PYGB: variants seen among roughly 807,000 people sequenced by gnomAD.
PYGB encodes the protein glycogen phosphorylase, brain form.
In PYGB, 82 loss-of-function variants were observed where a neutral mutation model predicts 94.3. The ratio of observed to expected loss-of-function variants is 0.87; its 90% CI spans 0.73 to 1.04. The LOEUF (loss-of-function observed/expected upper bound fraction) is 1.04. Ranked by LOEUF, PYGB falls within the 50% of genes least tolerant of loss-of-function variation. The pLI is 0.00. For synonymous variants in PYGB, 488 were observed against 479.1 expected (o/e 1.02, Z -0.24); for missense variants, 1,132 against 1,158.2 (o/e 0.98, Z 0.33).
chr20:25,291,598 C>T (rs1461639230), intron 16 of PYGB, among the ~76,000 whole-genome samples: 1 of 152,172 alleles, frequency 6.6e-6, no homozygotes, highest in African/African-American at 2.4e-5. Flanking sequence ...GGCTTGCCTC[C>T]GGCTTGGCCA....
At chr20:25,248,754 C>T (rs1224224842) in intron 1 of PYGB, among the ~76,000 whole-genome samples, 2 of 152,284 alleles carry the variant, frequency 1.3e-5, no homozygotes, top group Admixed American at 6.5e-5. Flanking sequence ...GGCTGCAGAG[C>T]CGGTGCTCCC....
intron 4 of PYGB, among the ~76,000 whole-genome samples, chr20:25,273,926 C>T (rs1025371575): frequency 2.0e-5 from 3 of 152,226 alleles, no homozygotes; most frequent in Non-Finnish European, 2.9e-5. Flanking sequence ...TAGCTCACTG[C>T]AGCTTCGACC....
chr20:25,280,138 G>C (rs2088352300), intron 9 of PYGB, 128 bp from the exon 10 acceptor site: 3 of 1,140,018 alleles, frequency 2.6e-6, no homozygotes, highest in Non-Finnish European at 3.8e-6. Flanking sequence ...GAGAGCAGAG[G>C]GGACGGTGGC....
chr20:25,250,842 G>A (rs532413090), intron 1 of PYGB, among the ~76,000 whole-genome samples: 1 of 151,968 alleles, frequency 6.6e-6, no homozygotes, highest in South Asian at 2.1e-4. Context: ...TATTACTGGA[G>A]GAAAAATTAG....
chr20:25,278,219 G>A (rs1293175290), intron 7 of PYGB, 100 bp from the exon 8 acceptor site: 11 of 1,326,334 alleles, frequency 8.3e-6, no homozygotes, highest in Non-Finnish European at 9.0e-6. Context: ...GGCTCCTCTC[G>A]GCCTTCTGCC....
intron 1 of PYGB, among the ~76,000 whole-genome samples, chr20:25,255,301 T>C (rs550987279): frequency 6.0e-4 from 91 of 152,298 alleles, no homozygotes; most frequent in Admixed American, 1.1e-3. Flanking sequence ...ACATCTCTCC[T>C]CCCACAGGAC....
intron 17 of PYGB, among the ~76,000 whole-genome samples, chr20:25,293,559 A>G (rs2088494203): frequency 6.6e-6 from 1 of 152,204 alleles, no homozygotes; most frequent in East Asian, 1.9e-4. Flanking sequence ...GAAACCACAC[A>G]TGCCATCTGA....
At chr20:25,296,211 C>A (rs1315995561) in intron 19 of PYGB, among the ~76,000 whole-genome samples, 159 bp from the exon 20 acceptor site, 1 of 152,186 alleles carries the variant, frequency 6.6e-6, no homozygotes, top group Non-Finnish European at 1.5e-5. Flanking sequence ...GTGGGGTCCC[C>A]TTTTCAACGA....
intron 1 of PYGB, 146 bp downstream of exon 1, chr20:25,248,567 A>T: frequency 9.0e-7 from 1 of 1,111,410 alleles, no homozygotes; most frequent in Admixed American, 4.4e-5. Context: ...CCGACTGGGG[A>T]GTCGCCTGGA....
intron 14 of PYGB, among the ~76,000 whole-genome samples, chr20:25,287,223 C>T (rs1275024299): frequency 2.6e-5 from 4 of 152,258 alleles, no homozygotes; most frequent in Non-Finnish European, 5.9e-5. Flanking sequence ...TGGGGGCCCT[C>T]ACCCGCTGTC....
chr20:25,296,537 GGCGGGACCA>G lies in PYGB; in HGVS notation c.*21_*29del. ...CCCGGGACTAGGCACACCCTGCCTT[GGCGGGACCA>G]GCGGGCATTTGTTTTCTTGCTGACT... On this transcript the variant is annotated 3_prime_UTR_variant, in exon 20 of 20. Transcript: ENST00000216962. 1 of 1,602,296 alleles carries G rather than the reference GGCGGGACCA, an allele frequency of 6.2e-7. No individual in the cohort carries two copies. The highest frequency in any genetic ancestry group is 1.1e-5 in the South Asian group (1 of 90,042).
chr20:25,285,877 A>G (rs2424700), intron 14 of PYGB, among the ~76,000 whole-genome samples: 68,832 of 151,982 alleles, frequency 0.45, 16,197 homozygotes, highest in East Asian at 0.92. Flanking sequence ...CCTGCTGGCC[A>G]CTTTGTGTCT....
chr20:25,279,442 C>T (rs548825028), intron 9 of PYGB, among the ~76,000 whole-genome samples: 251 of 152,248 alleles, frequency 1.6e-3, no homozygotes, highest in Non-Finnish European at 2.9e-3. Flanking sequence ...CTCCCCAAAG[C>T]GTTAAGTGTT....
chr20:25,296,552 C>G lies in PYGB; in HGVS notation c.*30C>G. ...ACCCTGCCTTGGCGGGACCAGCGGG[C>G]ATTTGTTTTCTTGCTGACTTTGCAC... is the stretch of plus-strand genomic sequence containing the variant. On this transcript the variant is annotated 3_prime_UTR_variant, in exon 20 of 20. Coordinates refer to ENST00000216962, the MANE Select transcript of PYGB (RefSeq NM_002862.4). 1 of 1,588,784 alleles carries G rather than the reference C, an allele frequency of 6.3e-7. No homozygotes were observed. The highest frequency in any genetic ancestry group is 2.2e-5 in the East Asian group (1 of 44,470).
rs758543025 is a variant in PYGB, at chr20:25,248,287, C to A, written c.109C>A (p.His37Asn). ...GCGGAAGAGCTTCAACCGGCACTTGCACTTCACGCTGGTCAAGGACCGCAA... is the reference window on the plus strand; with the variant it reads ...GCGGAAGAGCTTCAACCGGCACTTGAACTTCACGCTGGTCAAGGACCGCAA... The part of the protein sequence containing the change: ...EVRKSFNRHL[H>N]FTLVKDRNVA... Residue 37 changes from histidine (H) to asparagine (N), a missense_variant, in exon 1 of 20, where the codon CAC (histidine) becomes AAC (asparagine). Physicochemically the swap from His to Asn is moderately conservative, Grantham distance 68. Coordinates refer to ENST00000216962, the MANE Select transcript of PYGB (RefSeq NM_002862.4). The A allele has an allele frequency of 2.5e-6, 4 of 1,603,986 alleles. No individual in the cohort carries two copies. Among genetic ancestry groups the A allele is most frequent in the Non-Finnish European group, 3.4e-6 (4 of 1,175,764 alleles).
chr20:25,283,591 C>A (rs955007323), intron 13 of PYGB, among the ~76,000 whole-genome samples: 1 of 152,232 alleles, frequency 6.6e-6, no homozygotes, highest in Admixed American at 6.5e-5. Context: ...CTCTAGAAGC[C>A]GATTCCAGCG....
intron 2 of PYGB, among the ~76,000 whole-genome samples, chr20:25,263,516 A>G (rs537489267): frequency 3.3e-5 from 5 of 152,214 alleles, no homozygotes; most frequent in African/African-American, 1.2e-4. Context: ...AAGATCAACA[A>G]AATTGATAGA....
At chr20:25,290,813 C>A (rs996144461) in intron 16 of PYGB, among the ~76,000 whole-genome samples, 191 bp downstream of exon 16, 1 of 152,184 alleles carries the variant, frequency 6.6e-6, no homozygotes, top group Non-Finnish European at 1.5e-5. Flanking sequence ...ACTCACAGTG[C>A]GTCCCGGGGC....
At chr20:25,291,670 C>G (rs1242171171) in intron 16 of PYGB, among the ~76,000 whole-genome samples, 1 of 152,188 alleles carries the variant, frequency 6.6e-6, no homozygotes, top group Non-Finnish European at 1.5e-5. Flanking sequence ...CCCGTGCTGC[C>G]TGAGGCTCCC....
Sources: gnomAD v4.1 joint callset for allele counts (sites outside exome capture counted in the v4.1 genomes callset) on GRCh38, gnomAD v4.1.1 for gene constraint, MANE v1.5 for transcripts, NCBI Gene and HGNC (gene_info 2026-07-23, HGNC 2026-07-21) for gene names.